The following MMEL1 variants were observed in gnomAD, a reference collection of about 807,000 sequenced individuals.
MMEL1 encodes the protein membrane metalloendopeptidase like 1.
In MMEL1, 98 loss-of-function variants were observed where a neutral mutation model predicts 117.1. The ratio of observed to expected loss-of-function variants is 0.84; its 90% CI spans 0.71 to 0.99. The LOEUF is 0.99. MMEL1 is among the 50% of genes least tolerant of loss of function. The pLI, the probability that MMEL1 is intolerant of heterozygous loss-of-function variation, is 0.00. For missense variants in MMEL1, 1,014 were observed against 1,049.1 expected (o/e 0.97, Z 0.46); for synonymous variants, 390 against 415.1 (o/e 0.94, Z 0.74).
intron 2 of MMEL1, among the ~76,000 whole-genome samples, chr1:2,621,111 C>A (rs1296681693): frequency 6.6e-6 from 1 of 152,100 alleles, no homozygotes; most frequent in Admixed American, 6.5e-5. Flanking sequence ...ACAGAGAGAC[C>A]CATCTTTACA....
At chr1:2,601,305 G>A (rs549373011) in intron 11 of MMEL1, among the ~76,000 whole-genome samples, 3 of 152,218 alleles carry the variant, frequency 2.0e-5, no homozygotes, top group South Asian at 2.1e-4. Flanking sequence ...ATGGGCCCAC[G>A]CATAGACACA....
intron 11 of MMEL1, among the ~76,000 whole-genome samples, chr1:2,603,613 T>C (rs1406256813): frequency 6.6e-6 from 1 of 151,516 alleles, no homozygotes; most frequent in African/African-American, 2.4e-5. Flanking sequence ...CGTTTCCTGC[T>C]CAGAAGACCG....
intron 2 of MMEL1, among the ~76,000 whole-genome samples, chr1:2,621,037 C>G (rs768069607): frequency 5.3e-5 from 8 of 152,184 alleles, no homozygotes; most frequent in Non-Finnish European, 1.2e-4. Flanking sequence ...ATAATCCCAG[C>G]ACTTTGGGAG....
At chr1:2,599,927 C>T (rs1644905465) in intron 11 of MMEL1, among the ~76,000 whole-genome samples, 1 of 151,756 alleles carries the variant, frequency 6.6e-6, no homozygotes. Context: ...ATGTATGAAG[C>T]AGCAGAAGCA....
chr1:2,597,346 C>T (rs1406315978), intron 13 of MMEL1, among the ~76,000 whole-genome samples: 1 of 151,900 alleles, frequency 6.6e-6, no homozygotes, highest in Non-Finnish European at 1.5e-5. Flanking sequence ...CCCATGGCAA[C>T]AGGAGGCTTG....
At position 2,632,889 on chromosome 1, in the gene MMEL1, C is replaced by T; in HGVS notation, c.-61G>A. On this transcript the variant is annotated 5_prime_UTR_variant, in exon 1 of 24. Transcript: ENST00000378412. Reference sequence around the variant, plus strand: ...ACCTTTGCTCACTCAGGAGTGGCTGCCGCCCACAGTCAGGCCCCTGGAGAC... The same window carrying T: ...ACCTTTGCTCACTCAGGAGTGGCTGTCGCCCACAGTCAGGCCCCTGGAGAC... 2 of 985,602 alleles carry T rather than the reference C, an allele frequency of 2.0e-6. No homozygotes were observed. The highest frequency in any genetic ancestry group is 1.1e-4 in the East Asian group (1 of 8,880). The allele number at this position is 985,602 out of a possible 1,614,324, so 61.1% of individuals were successfully genotyped here.
At chr1:2,591,465 G>T in intron 23 of MMEL1, 92 bp downstream of exon 23, 1 of 1,061,042 alleles carries the variant, frequency 9.4e-7, no homozygotes. Context: ...TCTCTGTTGA[G>T]CCACTTTTTG....
At chr1:2,627,277 T>C (rs1442590319) in intron 2 of MMEL1, among the ~76,000 whole-genome samples, 1 of 152,268 alleles carries the variant, frequency 6.6e-6, no homozygotes, top group African/African-American at 2.4e-5. Context: ...GTAAATTAGG[T>C]AAGATTTGAT....
Position 2,593,347 on chromosome 1 carries a change from G to A in MMEL1, c.1868-381C>T, listed in dbSNP as rs114929195. Among the ~76,000 whole-genome samples the A allele has an allele frequency of 3.2e-3, 485 of 152,362 alleles. 2 individuals carry two copies. Among genetic ancestry groups the A allele is most frequent in the African/African-American group, 0.011 (462 of 41,594 alleles). ...AGGACTGCCCACGGAAGGTCCGGAT[G>A]GCCGAGCCACAGGGGAAAACCAGCT... On this transcript the variant is annotated intron_variant, in intron 19 of 23. Transcript: ENST00000378412.
chr1:2,618,990 T>G (rs760479969), intron 2 of MMEL1, among the ~76,000 whole-genome samples: 14 of 152,172 alleles, frequency 9.2e-5, no homozygotes, highest in Middle Eastern at 3.2e-3. Flanking sequence ...ACAAATTATT[T>G]TTTTTCTTCT....
rs772961806 is a variant in MMEL1 at position 2,593,931 on chromosome 1, A to C, written c.1750T>G (p.Phe584Val). 1 of 1,604,080 alleles carries C rather than the reference A, an allele frequency of 6.2e-7. No individual in the cohort carries two copies. Among genetic ancestry groups the C allele is most frequent in the South Asian group, 1.1e-5 (1 of 90,086 alleles). The change falls in exon 19 of 24, where the codon TTC (phenylalanine) becomes GTC (valine). Residue 584 changes from phenylalanine (F) to valine (V), a missense_variant and splice_region_variant. Physicochemically the swap from Phe to Val is conservative, Grantham distance 50. Coordinates refer to ENST00000378412, the MANE Select transcript of MMEL1 (RefSeq NM_033467.4). ...FYSPNRNQIV[F>V]PAGILQPPFF... The stretch of plus-strand genomic sequence containing the variant: ...GGGGGCTGGAGGATCCCGGCAGGGA[A>C]TACTGTCCCCAAGGGCGGGACAAAG...
In MMEL1 at chr1:2,594,771, C is replaced by A; in HGVS notation, c.1688+19G>T. On this transcript the variant is annotated intron_variant, in intron 17 of 23. Transcript: ENST00000378412. Reference sequence around the variant, plus strand: ...TCCCTGGCCCCCCCCGCCCATGCCGCACCAGCGATGCCACTCACAGATTTG... The same window carrying A: ...TCCCTGGCCCCCCCCGCCCATGCCGAACCAGCGATGCCACTCACAGATTTG... The A allele has an allele frequency of 6.2e-7, 1 of 1,604,070 alleles. No homozygotes were observed. The highest frequency in any genetic ancestry group is 1.1e-5 in the South Asian group (1 of 90,678).
intron 1 of MMEL1, among the ~76,000 whole-genome samples, chr1:2,631,602 T>G (rs1291268789): frequency 1.3e-5 from 2 of 151,920 alleles, no homozygotes; most frequent in East Asian, 3.9e-4. Context: ...GGTCCCTCGC[T>G]CCTCCCTTCC....
At chr1:2,601,866 C>A (rs755030123) in intron 11 of MMEL1, among the ~76,000 whole-genome samples, 1 of 152,248 alleles carries the variant, frequency 6.6e-6, no homozygotes, top group Non-Finnish European at 1.5e-5. Flanking sequence ...TACACAGGTG[C>A]AGAAACGGCT....
In MMEL1 at chr1:2,609,704, G is replaced by A. The variant is rs183550253; in HGVS notation, c.420C>T (p.Asp140=). 219 of 1,612,976 alleles carry A rather than the reference G, an allele frequency of 1.4e-4. No individual in the cohort carries two copies. The highest frequency in any genetic ancestry group is 1.7e-4 in the Non-Finnish European group (203 of 1,179,692). ...PETNSRYSIF[D]VLRDELEVIL... ...TGACCTCCAGCTCGTCGCGGAGGAC[G>A]TCAAAGATGCTGTATCTTGAGTTGG... The change falls in exon 5 of 24, where the codon GAC becomes GAT. Residue 140 remains aspartate, a synonymous_variant. Coordinates refer to ENST00000378412, the MANE Select transcript of MMEL1 (RefSeq NM_033467.4).
At position 2,596,018 on chromosome 1, in the gene MMEL1, C is replaced by G. The variant is rs12406796; in HGVS notation, c.1491G>C (p.Ala497=). The change falls in exon 15 of 24, where the codon GCG becomes GCC. Residue 497 remains alanine, a synonymous_variant. Coordinates refer to ENST00000378412, the MANE Select transcript of MMEL1 (RefSeq NM_033467.4). ...GWMDEESKKK[A]QEKAMSIREQ... is the part of the protein sequence containing the mutation. ...TCTGCGAGCCACATACCTTCTCCTG[C>G]GCCTTCTTCTTGGACTCCTCGTCCA... The G allele has an allele frequency of 3.7e-6, 6 of 1,613,748 alleles. No individual in the cohort carries two copies. Among genetic ancestry groups the G allele is most frequent in the Non-Finnish European group, 5.1e-6 (6 of 1,179,802 alleles).
Position 2,590,856 on chromosome 1 carries a change from G to A in MMEL1, c.*134C>T, listed in dbSNP as rs1459126587. On this transcript the variant is annotated 3_prime_UTR_variant, in exon 24 of 24. Transcript: ENST00000378412. ...CAGGTGGCTGCACCCTAGGCCAGGC[G>A]CAGAGGCCTGGCAGGCAGGCTTGGC... 6.3e-6 allele frequency: 4 copies of A among 632,782 alleles called. No homozygotes were observed. The highest frequency in any genetic ancestry group is 3.5e-5 in the South Asian group (1 of 28,464). 39.2% of individuals were successfully genotyped at this position (632,782 alleles called of 1,614,324 possible). A position where few individuals can be genotyped will look rare whatever the true frequency, so the allele number is the denominator to read the frequency against.
intron 2 of MMEL1, among the ~76,000 whole-genome samples, chr1:2,623,420 A>G (rs959246138): frequency 1.3e-5 from 2 of 152,224 alleles, no homozygotes; most frequent in Non-Finnish European, 2.9e-5. Flanking sequence ...TACAAAAAGC[A>G]CAACTTTTTG....
chr1:2,617,710 A>G (rs115506660), intron 2 of MMEL1, among the ~76,000 whole-genome samples: 6,662 of 152,236 alleles, frequency 0.044, 499 homozygotes, highest in African/African-American at 0.15. Context: ...GCAGGGCATG[A>G]ACCTCCAGAC....
Sources: gnomAD v4.1 joint callset for allele counts (sites outside exome capture counted in the v4.1 genomes callset) on GRCh38, gnomAD v4.1.1 for gene constraint, MANE v1.5 for transcripts, NCBI Gene and HGNC (gene_info 2026-07-23, HGNC 2026-07-21) for gene names.